MAP7D3: variants seen among roughly 807,000 people sequenced by gnomAD.
The protein encoded by MAP7D3 is MAP7 domain-containing protein 3.
In MAP7D3, 45 loss-of-function variants were observed where a neutral mutation model predicts 62.2. That is an observed-to-expected ratio of 0.72 (90% CI 0.57 to 0.93). The LOEUF is 0.93. MAP7D3 is among the 40% of genes least tolerant of loss of function. The pLI is 0.00. For missense variants in MAP7D3, 711 were observed against 683.1 expected (o/e 1.04, Z -0.45); for synonymous variants, 288 against 248.8 (o/e 1.16, Z -1.48).
intron 14 of MAP7D3, among the ~76,000 whole-genome samples, 169 bp from the exon 15 acceptor site, chrX:136,222,655 T>C (rs2074143286): frequency 9.0e-6 from 1 of 111,078 alleles, no homozygotes; most frequent in South Asian, 3.8e-4. Context: ...CTACGGGGGA[T>C]AGGGACAGGT....
chrX:136,242,025 A>G (rs1032920087), intron 4 of MAP7D3, among the ~76,000 whole-genome samples: 9 of 110,919 alleles, frequency 8.1e-5, no homozygotes, highest in Non-Finnish European at 1.5e-4. Flanking sequence ...GAGATCTTCT[A>G]TTTTTCCCTA....
chrX:136,230,612 C>T lies in MAP7D3; in HGVS notation c.1542-19G>A, dbSNP rs370155808. On this transcript the variant is annotated intron_variant, in intron 9 of 18. Transcript: ENST00000316077. ...TTGCCTGCTGAGAAAAAGTAATACA[C>T]ATTTGCTAATTAATTTTCAGTGTAC... is the stretch of plus-strand genomic sequence containing the variant. 1.6e-4 allele frequency: 166 copies of T among 1,050,544 alleles called. No homozygotes were observed. Among genetic ancestry groups the T allele is most frequent in the Non-Finnish European group, 2.1e-4 (162 of 758,766 alleles). The allele number at this position is 1,050,544 out of a possible 1,213,427, so 86.6% of individuals were successfully genotyped here. A position where few individuals can be genotyped will look rare whatever the true frequency, so the allele number is the denominator to read the frequency against.
intron 13 of MAP7D3, 107 bp downstream of exon 13, chrX:136,225,802 A>G (rs867826925): frequency 4.0e-6 from 2 of 504,145 alleles, no homozygotes; most frequent in African/African-American, 4.7e-5. Flanking sequence ...GAAAACCACC[A>G]GGAACTAGCA....
At chrX:136,243,132 A>G (rs1314941522) in intron 4 of MAP7D3, among the ~76,000 whole-genome samples, 8 of 111,197 alleles carry the variant, frequency 7.2e-5, no homozygotes, top group Non-Finnish European at 1.5e-4. Flanking sequence ...GAGGAAACTG[A>G]GCACCGCAGA....
chrX:136,229,935 C>T (rs1402068615), intron 10 of MAP7D3, among the ~76,000 whole-genome samples: 7 of 95,041 alleles, frequency 7.4e-5, no homozygotes, highest in African/African-American at 2.7e-4. Context: ...ACCCTTTCCA[C>T]ATCGGGCTAA....
intron 7 of MAP7D3, among the ~76,000 whole-genome samples, chrX:136,234,349 C>A (rs2074307063): frequency 9.0e-6 from 1 of 111,203 alleles, no homozygotes; most frequent in Admixed American, 9.6e-5. Context: ...ATCTTTAGGT[C>A]TCTAACTAAA....
Position 136,232,059 on chromosome X carries a change from T to TG in MAP7D3, c.897dup (p.Lys300GlnfsTer33). The TG allele has an allele frequency of 8.3e-7, 1 of 1,211,290 alleles. No homozygotes were observed. Among genetic ancestry groups the TG allele is most frequent in the Non-Finnish European group, 1.1e-6 (1 of 894,971 alleles). On this transcript the variant is annotated frameshift_variant, in exon 8 of 19. Transcript: ENST00000316077. LOFTEE classifies it high-confidence loss of function. ...TGGGGGGGTGCATCCACACTTGCCT[T>TG]GGGAGGTGTCTCTACTTTCTCCAAG...
chrX:136,225,220 T>C (rs1277031905), intron 13 of MAP7D3, among the ~76,000 whole-genome samples: 1 of 112,983 alleles, frequency 8.9e-6, no homozygotes, highest in African/African-American at 3.2e-5. Flanking sequence ...TTTTAGTCTT[T>C]AGTCTTCAGC....
At chrX:136,255,974 T>G, upstream of MAP7D3, 33 of 543,969 alleles carry the variant, frequency 6.1e-5, no homozygotes, top group South Asian at 1.9e-4. Context: ...AAACATTTAG[T>G]GAGCTTACCA....
chrX:136,251,061 G>T lies in MAP7D3; in HGVS notation c.70+228C>A, dbSNP rs1200837037. On this transcript the variant is annotated intron_variant, in intron 1 of 18. Coordinates refer to ENST00000316077, the MANE Select transcript of MAP7D3 (RefSeq NM_024597.4). ...CAGCGGCAGTTCGACCGTTGGCGGCGGGACTCAGGCGGCTCGCGGCGTCGG... is the reference window on the plus strand; with the variant it reads ...CAGCGGCAGTTCGACCGTTGGCGGCTGGACTCAGGCGGCTCGCGGCGTCGG... 5.3e-5 allele frequency among the ~76,000 whole-genome samples: 6 copies of T among 112,558 alleles called. No individual in the cohort carries two copies. In the East Asian group the frequency reaches 1.7e-3, roughly 32 times the overall value.
chrX:136,231,444 A>G (rs1385576946), intron 8 of MAP7D3, 100 bp downstream of exon 8: 15 of 663,335 alleles, frequency 2.3e-5, no homozygotes. Flanking sequence ...TATTGTAAAT[A>G]ATATGCTGGT....
chrX:136,236,472 A>C (rs1276246182), intron 6 of MAP7D3, 133 bp from the exon 7 acceptor site: 6 of 322,823 alleles, frequency 1.9e-5, no homozygotes, highest in Non-Finnish European at 3.2e-5. Context: ...TATTATGCAG[A>C]GATTCTATAT....
At chrX:136,251,521 G>C (rs993545584), upstream of MAP7D3, 2 of 841,200 alleles carry the variant, frequency 2.4e-6, no homozygotes, top group Non-Finnish European at 2.9e-6. Context: ...CCTGCGAACC[G>C]GGCAGGATTG....
rs375439322 is a variant in MAP7D3, at chrX:136,220,982, C to T, written c.2288-19G>A. 1.7e-5 allele frequency: 18 copies of T among 1,080,130 alleles called. No homozygotes were observed. The highest frequency in any genetic ancestry group is 2.2e-5 in the Non-Finnish European group (17 of 777,398). 89.0% of individuals were successfully genotyped at this position (1,080,130 alleles called of 1,213,427 possible). On this transcript the variant is annotated intron_variant, in intron 15 of 18. Transcript: ENST00000316077. ...AGAATGGCTAGGAAAAAAAATTACA[C>T]AATTAAATATGGAGTTTCAATAAAG...
At chrX:136,224,727 C>T in intron 14 of MAP7D3, 100 bp downstream of exon 14, 2 of 528,639 alleles carry the variant, frequency 3.8e-6, no homozygotes, top group Non-Finnish European at 6.2e-6. Context: ...AAATGTAATA[C>T]TTTATTTCAT....
At chrX:136,245,978 TA>T in intron 3 of MAP7D3, 86 bp downstream of exon 3, 1 of 623,332 alleles carries the variant, frequency 1.6e-6, no homozygotes, top group South Asian at 3.2e-5. Context: ...CTCTATCATA[TA>T]AACAAATTAG....
chrX:136,241,122 C>T (rs750686447), intron 5 of MAP7D3, 38 bp downstream of exon 5: 1 of 785,552 alleles, frequency 1.3e-6, no homozygotes, highest in Admixed American at 2.4e-5. Context: ...TAAACAAGAA[C>T]ATAAACAAAC....
In MAP7D3 at chrX:136,246,087, C is replaced by T; in HGVS notation, c.231G>A (p.Glu77=). 1 of 1,198,376 alleles carries T rather than the reference C, an allele frequency of 8.3e-7. No homozygotes were observed. The highest frequency in any genetic ancestry group is 1.8e-5 in the South Asian group (1 of 55,030). Residue 77 remains glutamate (E), a synonymous_variant, in exon 3 of 19, where the codon GAG becomes GAA. Coordinates refer to ENST00000316077, the MANE Select transcript of MAP7D3 (RefSeq NM_024597.4). ...TACCGTCTTGCTGTCTCCTTTTCTC[C>T]TCTCTGCGCTCTCTTGCTAATCTTT... ...IKQRLARERR[E]EKRRQQDANK...
chrX:136,220,653 C>T lies in MAP7D3; in HGVS notation c.2486+112G>A, dbSNP rs1299889147. ...TATTTCCGTTAAGTCAAATATGTGA[C>T]ATGGTGTTTGGTACAAACTAAGAGC... On this transcript the variant is annotated intron_variant, in intron 16 of 18. Transcript: ENST00000316077. The T allele has an allele frequency of 9.6e-6, 6 of 627,680 alleles. No individual in the cohort carries two copies. In the East Asian group the frequency reaches 1.9e-4, roughly 20 times the overall value. 51.7% of individuals were successfully genotyped at this position (627,680 alleles called of 1,213,427 possible). A position where few individuals can be genotyped will look rare whatever the true frequency, so the allele number is the denominator to read the frequency against.
Sources: allele counts gnomAD v4.1 joint callset (sites outside exome capture counted in the v4.1 genomes callset), GRCh38; gene constraint gnomAD v4.1.1; transcripts MANE v1.5; gene names NCBI Gene and HGNC (gene_info 2026-07-23, HGNC 2026-07-21).